The following CEP350 variants were observed in gnomAD, a reference collection of about 807,000 sequenced individuals.
CEP350 encodes centrosomal protein 350, also known as centrosome-associated protein 350.
Under a neutral mutation model 331.8 loss-of-function variants are expected in CEP350, and 126 were observed. The ratio of observed to expected loss-of-function variants is 0.38; its 90% CI spans 0.33 to 0.44. The LOEUF (loss-of-function observed/expected upper bound fraction) is 0.44. Ranked by LOEUF, CEP350 falls within the 20% of genes least tolerant of loss-of-function variation. The probability of loss-of-function intolerance (pLI) is 1.00; values close to 1 mark genes in which losing one functional copy is unlikely to be tolerated. For synonymous variants in CEP350, 1,200 were observed against 1,259.5 expected (o/e 0.95, Z 1.00); for missense variants, 3,406 against 3,634.6 (o/e 0.94, Z 1.62).
Position 180,102,906 on chromosome 1 carries a change from G to T in CEP350, c.9189+3921G>T, listed in dbSNP as rs1464211005. Among the ~76,000 whole-genome samples, 4 of 152,174 alleles carry T rather than the reference G, an allele frequency of 2.6e-5. No individual in the cohort carries two copies. The East Asian group carries it at 7.7e-4, about 29-fold the overall frequency. ...GTGAATACCCAGGGTTCGTCGTCTCGAGCTGAGAAAATTAACGACACAGAC... is the reference window on the plus strand; with the variant it reads ...GTGAATACCCAGGGTTCGTCGTCTCTAGCTGAGAAAATTAACGACACAGAC... On this transcript the variant is annotated intron_variant, in intron 37 of 37. Coordinates refer to ENST00000367607, the MANE Select transcript of CEP350 (RefSeq NM_014810.5).
At chr1:180,046,691 A>G (rs2148940751) in intron 21 of CEP350, among the ~76,000 whole-genome samples, 1 of 152,158 alleles carries the variant, frequency 6.6e-6, no homozygotes, top group African/African-American at 2.4e-5. Context: ...ATTTTATACT[A>G]TTTTCCCACC....
In CEP350 at chr1:180,084,104, C is replaced by A; in HGVS notation, c.6211C>A (p.Leu2071Met). 1 of 1,593,870 alleles carries A rather than the reference C, an allele frequency of 6.3e-7. No individual in the cohort carries two copies. Among genetic ancestry groups the A allele is most frequent in the Non-Finnish European group, 8.5e-7 (1 of 1,169,632 alleles). Residue 2071 changes from leucine (L) to methionine (M), a missense_variant, in exon 31 of 38, where the codon CTG becomes ATG. Around this residue, in one of 5 missense-constraint regions of CEP350, gnomAD observed 1,415 missense variants for 1,512.3 expected, o/e 0.94. Coordinates refer to ENST00000367607, the MANE Select transcript of CEP350 (RefSeq NM_014810.5). ...GAAAAGAAAATCAGTTGTGAACCAG[C>A]TGAAGAAGGAACAGAAAAAAAGGCA... ...LRKRKSVVNQ[L>M]KKEQKKRQKE...
intron 22 of CEP350, among the ~76,000 whole-genome samples, chr1:180,051,403 C>T (rs1055437093): frequency 2.0e-5 from 3 of 152,148 alleles, no homozygotes; most frequent in East Asian, 1.9e-4. Context: ...GTAAAAGCCA[C>T]AACTAAAGAG....
chr1:180,070,847 G>A (rs894920467), intron 27 of CEP350, among the ~76,000 whole-genome samples: 7 of 152,154 alleles, frequency 4.6e-5, no homozygotes, highest in African/African-American at 1.7e-4. Flanking sequence ...GTGTGAAAGT[G>A]TGACTTTAAA....
chr1:180,100,089 T>TA, intron 37 of CEP350, among the ~76,000 whole-genome samples: 1 of 152,178 alleles, frequency 6.6e-6, no homozygotes, highest in East Asian at 1.9e-4. Flanking sequence ...CCCAGTGTCT[T>TA]ATGCCTTATT....
intron 25 of CEP350, among the ~76,000 whole-genome samples, chr1:180,058,525 A>C (rs981920893): frequency 1.3e-5 from 2 of 152,200 alleles, no homozygotes; most frequent in Non-Finnish European, 1.5e-5. Flanking sequence ...AAAAGCAAAA[A>C]ACCACATATA....
At chr1:179,996,449 CTTATT>C in intron 5 of CEP350, 99 bp from the exon 6 acceptor site, 1 of 794,428 alleles carries the variant, frequency 1.3e-6, no homozygotes, top group Non-Finnish European at 2.0e-6. Flanking sequence ...TTACCTCATT[CTTATT>C]TTTTTGTGGT....
intron 37 of CEP350, among the ~76,000 whole-genome samples, chr1:180,108,215 C>T (rs938174018): frequency 6.6e-6 from 1 of 152,114 alleles, no homozygotes; most frequent in African/African-American, 2.4e-5. Flanking sequence ...TGAGGTTACA[C>T]CGAGAGAGAG....
intron 3 of CEP350, among the ~76,000 whole-genome samples, chr1:179,988,676 T>G (rs915107277): frequency 6.6e-6 from 1 of 152,148 alleles, no homozygotes; most frequent in Non-Finnish European, 1.5e-5. Context: ...AAACCCTTTT[T>G]TTTTTTTAAT....
Position 180,054,498 on chromosome 1 carries a change from A to T in CEP350, c.5258A>T (p.Glu1753Val), listed in dbSNP as rs759774907. The T allele has an allele frequency of 1.9e-6, 3 of 1,596,082 alleles. No homozygotes were observed. Among genetic ancestry groups the T allele is most frequent in the South Asian group, 2.3e-5 (2 of 87,588 alleles). The change falls in exon 25 of 38, where the codon GAA becomes GTA. Residue 1753 changes from glutamate to valine, a missense_variant. By Grantham distance (121) the Glu-to-Val change is moderately radical. Coordinates refer to ENST00000367607, the MANE Select transcript of CEP350 (RefSeq NM_014810.5). ...QRGLLLRLQQEKAEIKRLQEA... is the reference protein window; with the variant it reads ...QRGLLLRLQQVKAEIKRLQEA... ...GGTTTGCTTTTAAGGTTGCAGCAAG[A>T]AAAGGTATGTTAGGGAAGGCACCCC...
intron 28 of CEP350, 122 bp from the exon 29 acceptor site, chr1:180,078,341 C>T (rs577606120): frequency 3.0e-6 from 2 of 669,542 alleles, no homozygotes; most frequent in South Asian, 1.9e-5. Flanking sequence ...CTATGACTCT[C>T]CTGTTTGTGG....
intron 29 of CEP350, among the ~76,000 whole-genome samples, chr1:180,080,197 A>G (rs1048466670): frequency 6.6e-6 from 1 of 152,124 alleles, no homozygotes; most frequent in Admixed American, 6.6e-5. Context: ...AAATTAAAAG[A>G]ATGGAGGGGG....
At chr1:180,023,839 A>G (rs1422294010) in intron 13 of CEP350, among the ~76,000 whole-genome samples, 1 of 152,220 alleles carries the variant, frequency 6.6e-6, no homozygotes, top group Non-Finnish European at 1.5e-5. Flanking sequence ...TTCAAATATT[A>G]CAAATTGTAA....
intron 1 of CEP350, among the ~76,000 whole-genome samples, chr1:179,978,518 A>G (rs1205102844): frequency 3.3e-5 from 5 of 152,040 alleles, no homozygotes; most frequent in Non-Finnish European, 7.4e-5. Flanking sequence ...TGTATCCTTT[A>G]GCAAATCTCT....
chr1:179,961,233 G>T (rs1165879617), intron 1 of CEP350, among the ~76,000 whole-genome samples: 1 of 152,086 alleles, frequency 6.6e-6, no homozygotes, highest in Non-Finnish European at 1.5e-5. Flanking sequence ...ATCATTTGAG[G>T]TCAGGAGTTC....
chr1:180,075,403 A>G (rs1472790315), intron 28 of CEP350, among the ~76,000 whole-genome samples, 182 bp downstream of exon 28: 1 of 150,992 alleles, frequency 6.6e-6, no homozygotes, highest in African/African-American at 2.4e-5. Flanking sequence ...CCTGGATGAC[A>G]TAGCAGACCC....
intron 21 of CEP350, among the ~76,000 whole-genome samples, chr1:180,045,156 A>C (rs1657040058): frequency 6.6e-6 from 1 of 152,204 alleles, no homozygotes; most frequent in Admixed American, 6.5e-5. Context: ...AGCCTGGCCA[A>C]CATGGCAAAG....
intron 25 of CEP350, among the ~76,000 whole-genome samples, chr1:180,060,616 C>T (rs1353266890): frequency 6.6e-6 from 1 of 152,152 alleles, no homozygotes; most frequent in African/African-American, 2.4e-5. Context: ...TGTACTACTC[C>T]AGCCTGGGCA....
intron 21 of CEP350, among the ~76,000 whole-genome samples, chr1:180,046,585 G>A (rs1373713677): frequency 6.6e-6 from 1 of 152,140 alleles, no homozygotes; most frequent in African/African-American, 2.4e-5. Context: ...TTTCTCTTGA[G>A]TATATATTTA....
Sources: gnomAD v4.1 joint callset for allele counts (sites outside exome capture counted in the v4.1 genomes callset) on GRCh38, gnomAD v4.1.1 for gene constraint, gnomAD v4.1.1 regional missense constraint, MANE v1.5 for transcripts, NCBI Gene and HGNC (gene_info 2026-07-23, HGNC 2026-07-21) for gene names.